The following DENND1A variants were observed in gnomAD, a reference collection of about 807,000 sequenced individuals.
The protein encoded by DENND1A is DENN domain-containing protein 1A.
DENND1A carries 51 observed loss-of-function variants against 113.7 expected under a neutral mutation model. That is an observed-to-expected ratio of 0.45 (90% CI 0.36 to 0.57). The LOEUF (loss-of-function observed/expected upper bound fraction) is 0.57. Ranked by LOEUF, DENND1A falls within the 20% of genes least tolerant of loss-of-function variation. The pLI is 0.00. For missense variants in DENND1A, 1,258 were observed against 1,395.9 expected, an observed-to-expected ratio of 0.90 and a Z score of 1.57; for synonymous variants, 565 against 570.8, an observed-to-expected ratio of 0.99 and a Z score of 0.14.
At chr9:123,656,653 T>G (rs560236724) in intron 8 of DENND1A, among the ~76,000 whole-genome samples, 1 of 152,140 alleles carries the variant, frequency 6.6e-6, no homozygotes, top group Non-Finnish European at 1.5e-5. Context: ...AAAGGATAAA[T>G]CCTCCTTCTA....
intron 12 of DENND1A, among the ~76,000 whole-genome samples, chr9:123,580,374 C>T (rs2058830770): frequency 6.6e-6 from 1 of 152,236 alleles, no homozygotes. Context: ...TCCTATTTCC[C>T]TGTGGTCTCT....
At chr9:123,878,891 G>T in intron 2 of DENND1A, 60 bp downstream of exon 2, 1 of 1,527,938 alleles carries the variant, frequency 6.5e-7, no homozygotes, top group Admixed American at 1.7e-5. Flanking sequence ...ATTATCTCAC[G>T]TGCATAGCTA....
intron 5 of DENND1A, among the ~76,000 whole-genome samples, chr9:123,705,397 G>C (rs1414816326): frequency 6.6e-6 from 1 of 151,956 alleles, no homozygotes; most frequent in Non-Finnish European, 1.5e-5. Flanking sequence ...GGGGAAAAAA[G>C]GTAAAGTGGT....
chr9:123,899,286 C>G (rs1446481760), intron 1 of DENND1A, among the ~76,000 whole-genome samples: 5 of 152,174 alleles, frequency 3.3e-5, no homozygotes, highest in Non-Finnish European at 7.3e-5. Flanking sequence ...AATGCCAGTT[C>G]TCCCTCCTGA....
intron 18 of DENND1A, among the ~76,000 whole-genome samples, chr9:123,442,004 T>C (rs2046965801): frequency 6.6e-6 from 1 of 152,186 alleles, no homozygotes; most frequent in Non-Finnish European, 1.5e-5. Flanking sequence ...AGTTTCCTCA[T>C]CTGTGAAATG....
chr9:123,665,411 G>C (rs1290014880), intron 8 of DENND1A, among the ~76,000 whole-genome samples: 1 of 152,030 alleles, frequency 6.6e-6, no homozygotes, highest in Non-Finnish European at 1.5e-5. Context: ...ACTCTGGTCT[G>C]AATTTTTTAT....
At chr9:123,627,605 T>C (rs1400786221) in intron 10 of DENND1A, among the ~76,000 whole-genome samples, 1 of 152,024 alleles carries the variant, frequency 6.6e-6, no homozygotes, top group Non-Finnish European at 1.5e-5. Flanking sequence ...CCGAGTGTGA[T>C]GGTACGCGCC....
chr9:123,624,053 G>A (rs2061084925), intron 10 of DENND1A, among the ~76,000 whole-genome samples: 1 of 152,196 alleles, frequency 6.6e-6, no homozygotes, highest in Non-Finnish European at 1.5e-5. Context: ...CATAGAAAGG[G>A]CACCTGCTGG....
chr9:123,583,652 AT>A (rs1197421625), intron 11 of DENND1A, among the ~76,000 whole-genome samples: 2 of 152,214 alleles, frequency 1.3e-5, no homozygotes, highest in African/African-American at 4.8e-5. Flanking sequence ...TTCTTATGAT[AT>A]CCCCATTCAA....
intron 2 of DENND1A, among the ~76,000 whole-genome samples, chr9:123,819,058 G>C (rs1838040578): frequency 1.3e-5 from 2 of 152,242 alleles, no homozygotes; most frequent in East Asian, 3.9e-4. Context: ...CCATCTCTGG[G>C]CATGGGGTCC....
chr9:123,832,211 C>T (rs1840334102), intron 2 of DENND1A, among the ~76,000 whole-genome samples: 1 of 152,006 alleles, frequency 6.6e-6, no homozygotes, highest in African/African-American at 2.4e-5. Flanking sequence ...CTAGAGTATA[C>T]AAAGAATTCC....
At chr9:123,819,595 T>A (rs1186791280) in intron 2 of DENND1A, among the ~76,000 whole-genome samples, 1 of 152,220 alleles carries the variant, frequency 6.6e-6, no homozygotes, top group Non-Finnish European at 1.5e-5. Flanking sequence ...TAGAGTTCAG[T>A]GGCACGATCT....
rs535057859 is a variant in DENND1A at position 123,468,456 on chromosome 9, T to C, written c.994-10559A>G. Among the ~76,000 whole-genome samples the C allele has an allele frequency of 2.6e-5, 4 of 152,312 alleles. 1 individual carries two copies. The South Asian group carries it at 8.3e-4, about 32-fold the overall frequency. On this transcript the variant is annotated intron_variant, in intron 13 of 23. Coordinates refer to ENST00000394215, the MANE Select transcript of DENND1A (RefSeq NM_001352964.2). ...TGACCAGCACAGAGCCTGGACCCAC[T>C]TGACAGTCCTTTTTAAAAACTTAAG...
chr9:123,808,190 T>C (rs1835927337), intron 2 of DENND1A, among the ~76,000 whole-genome samples: 1 of 151,922 alleles, frequency 6.6e-6, no homozygotes, highest in African/African-American at 2.4e-5. Flanking sequence ...CATGCCATTG[T>C]ACCCCAGCCT....
chr9:123,927,008 G>A (rs1233526806), intron 1 of DENND1A, among the ~76,000 whole-genome samples: 7 of 152,148 alleles, frequency 4.6e-5, no homozygotes, highest in Admixed American at 1.3e-4. Context: ...CAAGGCAGGC[G>A]TCTGGGGGAT....
At chr9:123,732,461 A>G (rs976503310) in intron 5 of DENND1A, among the ~76,000 whole-genome samples, 2 of 152,232 alleles carry the variant, frequency 1.3e-5, no homozygotes, top group African/African-American at 4.8e-5. Flanking sequence ...ATATGATTAC[A>G]TTTTTGTGAC....
At chr9:123,873,767 G>T (rs1272155342) in intron 2 of DENND1A, among the ~76,000 whole-genome samples, 1 of 150,872 alleles carries the variant, frequency 6.6e-6, no homozygotes, top group African/African-American at 2.4e-5. Flanking sequence ...TTTTGAGACG[G>T]AGTCTCACTC....
At chr9:123,851,040 A>G (rs1341125322) in intron 2 of DENND1A, among the ~76,000 whole-genome samples, 1 of 152,176 alleles carries the variant, frequency 6.6e-6, no homozygotes, top group Non-Finnish European at 1.5e-5. Context: ...CAACACAAGA[A>G]TGAAAAAAAA....
intron 1 of DENND1A, among the ~76,000 whole-genome samples, chr9:123,886,210 C>T (rs182891146): frequency 4.6e-5 from 7 of 151,906 alleles, no homozygotes; most frequent in Admixed American, 2.6e-4. Flanking sequence ...AGGCATCATG[C>T]TATTGATCAC....
Sources: allele counts gnomAD v4.1 joint callset (sites outside exome capture counted in the v4.1 genomes callset), GRCh38; gene constraint gnomAD v4.1.1; transcripts MANE v1.5; gene names NCBI Gene and HGNC (gene_info 2026-07-23, HGNC 2026-07-21).